Variants in BMPR1B observed in about 807,000 individuals in gnomAD.
BMPR1B encodes bone morphogenetic protein receptor type-1B.
In BMPR1B, 12 loss-of-function variants were observed where a neutral mutation model predicts 59.1. The ratio of observed to expected loss-of-function variants is 0.20; its 90% CI spans 0.13 to 0.33. The LOEUF is 0.33. Among genes scored for constraint, BMPR1B ranks in the 10% least tolerant of loss-of-function variants. The pLI is 1.00. For missense variants in BMPR1B, 550 were observed against 610.9 expected, an observed-to-expected ratio of 0.90 and a Z score of 1.05; for synonymous variants, 237 against 207.3, an observed-to-expected ratio of 1.14 and a Z score of -1.23.
intron 3 of BMPR1B, among the ~76,000 whole-genome samples, chr4:95,068,790 C>G (rs926926752): frequency 3.3e-5 from 5 of 152,106 alleles, no homozygotes; most frequent in Non-Finnish European, 5.9e-5. Flanking sequence ...ATGTCATTCC[C>G]AAATAAACTC....
At chr4:95,124,806 C>G (rs1303509094) in intron 7 of BMPR1B, among the ~76,000 whole-genome samples, 177 bp from the exon 8 acceptor site, 1 of 151,886 alleles carries the variant, frequency 6.6e-6, no homozygotes, top group African/African-American at 2.4e-5. Context: ...AATAGGTTAG[C>G]CAAACAGTAA....
At chr4:94,835,856 C>T in intron 1 of BMPR1B, among the ~76,000 whole-genome samples, 1 of 150,820 alleles carries the variant, frequency 6.6e-6, no homozygotes, top group East Asian at 1.9e-4. Context: ...TGCGCTGCAC[C>T]CACTAACTCG....
intron 2 of BMPR1B, among the ~76,000 whole-genome samples, chr4:94,876,499 C>T (rs757623822): frequency 3.9e-5 from 6 of 152,104 alleles, no homozygotes; most frequent in South Asian, 2.1e-4. Flanking sequence ...AATGCTATTA[C>T]GAATGCTTTA....
At chr4:94,946,254 G>C (rs1247320439) in intron 2 of BMPR1B, among the ~76,000 whole-genome samples, 1 of 152,072 alleles carries the variant, frequency 6.6e-6, no homozygotes, top group East Asian at 1.9e-4. Flanking sequence ...GAGATTAGTT[G>C]ATTCTTGTTT....
chr4:95,037,880 G>A (rs986587642), intron 3 of BMPR1B, among the ~76,000 whole-genome samples: 17 of 152,164 alleles, frequency 1.1e-4, no homozygotes, highest in African/African-American at 3.9e-4. Flanking sequence ...GGGAACGTAA[G>A]TGGACAAAGT....
chr4:94,871,939 G>A (rs2148968475), intron 1 of BMPR1B, among the ~76,000 whole-genome samples: 1 of 152,180 alleles, frequency 6.6e-6, no homozygotes, highest in East Asian at 1.9e-4. Context: ...TACTCATGTT[G>A]TAACACTTTT....
chr4:94,926,183 G>C (rs906794061), intron 2 of BMPR1B, among the ~76,000 whole-genome samples: 2 of 151,114 alleles, frequency 1.3e-5, no homozygotes, highest in African/African-American at 4.9e-5. Context: ...GTGTGACTCA[G>C]TGATGAATGC....
chr4:95,142,789 G>A (rs1213683788), intron 10 of BMPR1B, among the ~76,000 whole-genome samples: 2 of 149,494 alleles, frequency 1.3e-5, no homozygotes, highest in African/African-American at 4.9e-5. Context: ...AAAGTGCCCT[G>A]TGCTCAGTCA....
At chr4:94,931,767 G>A (rs1310875034) in intron 2 of BMPR1B, among the ~76,000 whole-genome samples, 1 of 152,090 alleles carries the variant, frequency 6.6e-6, no homozygotes. Flanking sequence ...AGGGAGGGCT[G>A]CATGCTTAAA....
At chr4:94,961,431 AT>A (rs1321869763) in intron 2 of BMPR1B, among the ~76,000 whole-genome samples, 2 of 152,038 alleles carry the variant, frequency 1.3e-5, no homozygotes, top group Non-Finnish European at 2.9e-5. Context: ...CACTGATTTC[AT>A]TTGTCTTTCT....
At chr4:95,076,241 A>G (rs528820873) in intron 3 of BMPR1B, among the ~76,000 whole-genome samples, 17 of 152,154 alleles carry the variant, frequency 1.1e-4, no homozygotes, top group Admixed American at 3.9e-4. Flanking sequence ...TTCCAACTTT[A>G]TTAGTATTAT....
chr4:94,841,568 C>T (rs1361545469), intron 1 of BMPR1B, among the ~76,000 whole-genome samples: 2 of 150,204 alleles, frequency 1.3e-5, no homozygotes, highest in African/African-American at 2.5e-5. Flanking sequence ...GGAAAGGGAA[C>T]TCGCTGACCC....
chr4:94,907,043 C>T (rs1011679695), intron 2 of BMPR1B, among the ~76,000 whole-genome samples: 12 of 152,106 alleles, frequency 7.9e-5, no homozygotes, highest in Non-Finnish European at 1.8e-4. Context: ...TACTTCTCAG[C>T]ATAAATGTGT....
chr4:94,937,303 C>G (rs1270933405), intron 2 of BMPR1B, among the ~76,000 whole-genome samples: 1 of 152,156 alleles, frequency 6.6e-6, no homozygotes, highest in Non-Finnish European at 1.5e-5. Flanking sequence ...CAGAGTTAGG[C>G]ACTTCCTCTG....
At chr4:95,147,846 A>G (rs547894184) in intron 10 of BMPR1B, among the ~76,000 whole-genome samples, 367 of 152,242 alleles carry the variant, frequency 2.4e-3, no homozygotes, top group Non-Finnish European at 3.9e-3. Flanking sequence ...CTAGTCATTC[A>G]GCACCCTTAG....
chr4:95,156,790 T>C lies in BMPR1B; in HGVS notation c.*2117T>C, dbSNP rs1735457348. On this transcript the variant is annotated 3_prime_UTR_variant, in exon 13 of 13. Coordinates refer to ENST00000515059, the MANE Select transcript of BMPR1B (RefSeq NM_001203.3). ...AGGTTCCTTTCTCTTGTGTCAGTTA[T>C]ATTCTTAGGGATAGCCTAGAAGGAA... is the stretch of plus-strand genomic sequence containing the variant. 6.6e-6 allele frequency: 1 copy of C among 152,146 alleles called. No individual in the cohort carries two copies. Among genetic ancestry groups the C allele is most frequent in the South Asian group, 2.1e-4 (1 of 4,838 alleles). 9.4% of individuals were successfully genotyped at this position (152,146 alleles called of 1,614,324 possible).
intron 3 of BMPR1B, chr4:95,051,772 G>T: frequency 1.3e-6 from 2 of 1,535,376 alleles, no homozygotes; most frequent in Non-Finnish European, 1.7e-6. Context: ...GCACACAAGG[G>T]GTAAGAAGAT....
chr4:94,880,998 C>T (rs187643301), intron 2 of BMPR1B, among the ~76,000 whole-genome samples: 2 of 152,176 alleles, frequency 1.3e-5, no homozygotes, highest in East Asian at 1.9e-4. Flanking sequence ...GATGCAACAT[C>T]GTAATTCTGA....
At chr4:95,044,543 T>C (rs1240300863) in intron 3 of BMPR1B, among the ~76,000 whole-genome samples, 1 of 152,184 alleles carries the variant, frequency 6.6e-6, no homozygotes, top group Non-Finnish European at 1.5e-5. Flanking sequence ...CTCTACATGC[T>C]TTAGACAAGT....
Sources: gnomAD v4.1 joint callset for allele counts (sites outside exome capture counted in the v4.1 genomes callset) on GRCh38, gnomAD v4.1.1 for gene constraint, MANE v1.5 for transcripts, NCBI Gene and HGNC (gene_info 2026-07-23, HGNC 2026-07-21) for gene names.